The following KCNC1 variants were observed in gnomAD, a reference collection of about 807,000 sequenced individuals.
KCNC1 encodes potassium voltage-gated channel subfamily C member 1, also known as voltage-gated potassium channel KCNC1.
Under a neutral mutation model 43.4 loss-of-function variants are expected in KCNC1, and 8 were observed. The observed-to-expected ratio is 0.18, with a 90% CI of 0.11 to 0.33. KCNC1 has a LOEUF of 0.33. Among genes scored for constraint, KCNC1 ranks in the 10% least tolerant of loss-of-function variants. The probability of loss-of-function intolerance (pLI) is 1.00; values close to 1 mark genes in which losing one functional copy is unlikely to be tolerated. For synonymous variants in KCNC1, 361 were observed against 360.5 expected (o/e 1.00, Z -0.01); for missense variants, 420 against 836.0 (o/e 0.50, Z 6.14).
chr11:17,744,258 A>G (rs1848873844), intron 1 of KCNC1, among the ~76,000 whole-genome samples: 1 of 152,158 alleles, frequency 6.6e-6, no homozygotes, highest in Admixed American at 6.5e-5. Context: ...TCAGCTTCCC[A>G]GAGGAGCTGG....
rs528132219 is a variant in KCNC1, at chr11:17,747,932, C to A, written c.570+11360C>A. 9.2e-5 allele frequency among the ~76,000 whole-genome samples: 14 copies of A among 152,310 alleles called. No homozygotes were observed. In the South Asian group the frequency reaches 2.9e-3, roughly 32 times the overall value. On this transcript the variant is annotated intron_variant, in intron 1 of 3. Transcript: ENST00000265969. The stretch of plus-strand genomic sequence containing the variant: ...GCTCACAACTCCTCTCCCCACACTC[C>A]CGCTTTGCACATAAACACAGTCCAT...
chr11:17,770,981 T>C (rs982118828), intron 1 of KCNC1, among the ~76,000 whole-genome samples: 7 of 152,154 alleles, frequency 4.6e-5, no homozygotes, highest in African/African-American at 1.7e-4. Flanking sequence ...AGGGAACTCA[T>C]TACCATGTTG....
chr11:17,739,132 C>A lies in KCNC1; in HGVS notation c.570+2560C>A, dbSNP rs1848805154. Among the ~76,000 whole-genome samples, 1 of 152,160 alleles carries A rather than the reference C, an allele frequency of 6.6e-6. No homozygotes were observed. Among genetic ancestry groups the A allele is most frequent in the South Asian group, 2.1e-4 (1 of 4,818 alleles). ...CTCCCCCTCTGTCTTTGCTCTGCCG[C>A]CTCTGCTGTCACCTTTGTTTACCCC... is the stretch of plus-strand genomic sequence containing the variant. On this transcript the variant is annotated intron_variant, in intron 1 of 3. Transcript: ENST00000265969. This position sits in a 1 kb window ranked among gnomAD's most constrained non-coding sequence, Gnocchi z 4.2.
At chr11:17,738,475 G>A (rs1233590221) in intron 1 of KCNC1, among the ~76,000 whole-genome samples, 1 of 152,138 alleles carries the variant, frequency 6.6e-6, no homozygotes, top group Non-Finnish European at 1.5e-5. Context: ...AGAAGCAAGG[G>A]GTAGGCTCAG....
intron 1 of KCNC1, among the ~76,000 whole-genome samples, chr11:17,762,277 T>C (rs781140065): frequency 5.9e-5 from 9 of 152,296 alleles, no homozygotes; most frequent in Non-Finnish European, 2.9e-5. Context: ...ACCTCCCAGC[T>C]CAGCAGTTCC....
rs1306032561 is a variant in KCNC1, at chr11:17,773,392, C to T, written c.1504+794C>T. On this transcript the variant is annotated intron_variant, in intron 2 of 3. Transcript: ENST00000265969. This position sits in a 1 kb window ranked among gnomAD's most constrained non-coding sequence, Gnocchi z 4.1. ...TGACCCGATGGAAGCGGCTGCCGAG[C>T]AAAAGACTAGAGGGGGCCACCACCC... 3 of 985,376 alleles carry T rather than the reference C, an allele frequency of 3.0e-6. No homozygotes were observed. Among genetic ancestry groups the T allele is most frequent in the South Asian group, 9.4e-5 (2 of 21,276 alleles). 61.0% of individuals were successfully genotyped at this position (985,376 alleles called of 1,614,324 possible). A position where few individuals can be genotyped will look rare whatever the true frequency, so the allele number is the denominator to read the frequency against.
chr11:17,760,221 A>C (rs1026765330), intron 1 of KCNC1, among the ~76,000 whole-genome samples: 1 of 152,226 alleles, frequency 6.6e-6, no homozygotes, highest in Non-Finnish European at 1.5e-5. Flanking sequence ...TGAGCACTAA[A>C]TTTAGCCGAG....
At chr11:17,768,295 G>T (rs527301215) in intron 1 of KCNC1, among the ~76,000 whole-genome samples, 103 of 152,332 alleles carry the variant, frequency 6.8e-4, no homozygotes, top group African/African-American at 2.3e-3. Flanking sequence ...TCCAGCAGAA[G>T]GAATAGCAGG....
chr11:17,761,041 G>A (rs1195761846), intron 1 of KCNC1, among the ~76,000 whole-genome samples: 1 of 152,190 alleles, frequency 6.6e-6, no homozygotes, highest in Non-Finnish European at 1.5e-5. Flanking sequence ...ACCCAAGACA[G>A]GCAGGGGTCC....
At chr11:17,775,401 C>T (rs1052554263) in intron 2 of KCNC1, 4 of 985,212 alleles carry the variant, frequency 4.1e-6, no homozygotes, top group Admixed American at 6.1e-5. Context: ...ATCTGGTCTC[C>T]TCCTGTGTGC....
In KCNC1 at chr11:17,771,551, A is replaced by C. The variant is rs1849228712; in HGVS notation, c.571-114A>C. The C allele has an allele frequency of 1.1e-6, 1 of 877,676 alleles. No homozygotes were observed. The highest frequency in any genetic ancestry group is 1.6e-5 in the South Asian group (1 of 61,080). 54.4% of individuals were successfully genotyped at this position (877,676 alleles called of 1,614,324 possible). On this transcript the variant is annotated intron_variant, in intron 1 of 3. Transcript: ENST00000265969. This position sits in a 1 kb window ranked among gnomAD's most constrained non-coding sequence, Gnocchi z 4.7. ...AGGAGGGAAATGTAGCACGTGCTGC[A>C]GGGGGCCTGGTGCTGGCATCTCCCC...
chr11:17,771,553 G>A lies in KCNC1; in HGVS notation c.571-112G>A, dbSNP rs1849228749. ...GAGGGAAATGTAGCACGTGCTGCAG[G>A]GGGCCTGGTGCTGGCATCTCCCCCC... On this transcript the variant is annotated intron_variant, in intron 1 of 3. Transcript: ENST00000265969. The surrounding 1 kb of genome is among the most constrained non-coding windows in gnomAD (Gnocchi z 4.7). The A allele has an allele frequency of 3.3e-6, 3 of 896,296 alleles. No homozygotes were observed. Among genetic ancestry groups the A allele is most frequent in the Admixed American group, 2.3e-5 (1 of 44,250 alleles). The allele number at this position is 896,296 out of a possible 1,614,324, so 55.5% of individuals were successfully genotyped here.
At chr11:17,772,942 T>TA in intron 2 of KCNC1, 1 of 1,175,740 alleles carries the variant, frequency 8.5e-7, no homozygotes, top group South Asian at 2.9e-5. Context: ...GGTGTGAGTC[T>TA]CTGACTCAGG....
In KCNC1 at chr11:17,772,129, C is replaced by T; in HGVS notation, c.1035C>T (p.Phe345=). 1 of 1,614,076 alleles carries T rather than the reference C, an allele frequency of 6.2e-7. No homozygotes were observed. Among genetic ancestry groups the T allele is most frequent in the Non-Finnish European group, 8.5e-7 (1 of 1,180,006 alleles). Residue 345 remains phenylalanine, a synonymous_variant, in exon 2 of 4, where the codon TTC becomes TTT. Transcript: ENST00000265969. ...GHTLRASTNE[F]LLLIIFLALG... is the part of the protein sequence containing the mutation. Reference sequence around the variant, plus strand: ...CGCTCCGAGCCAGCACCAACGAGTTCCTGCTGCTCATCATCTTCCTGGCCT... The same window carrying T: ...CGCTCCGAGCCAGCACCAACGAGTTTCTGCTGCTCATCATCTTCCTGGCCT...
chr11:17,772,861 G>A (rs1849246460), intron 2 of KCNC1: 6 of 1,321,250 alleles, frequency 4.5e-6, no homozygotes, highest in Middle Eastern at 2.8e-4. Context: ...AAGAGACAAC[G>A]CGGCCCGCCA....
At chr11:17,775,281 T>TTCCCA in intron 2 of KCNC1, 11 of 935,722 alleles carry the variant, frequency 1.2e-5, no homozygotes, top group Non-Finnish European at 1.3e-5. Context: ...TCTGAGGGCA[T>TTCCCA]CCCTCCCGCC....
chr11:17,764,714 G>A (rs1849128650), intron 1 of KCNC1, among the ~76,000 whole-genome samples: 1 of 152,220 alleles, frequency 6.6e-6, no homozygotes, highest in African/African-American at 2.4e-5. Flanking sequence ...TCCTTTGCCT[G>A]ATGGTGCAGG....
chr11:17,779,221 A>G lies in KCNC1; in HGVS notation c.1505-235A>G. ...ACTCATCTTTTTGCAAACTTTGAGC[A>G]AACCCAGGAGTCCCCACTCCCAGCA... On this transcript the variant is annotated intron_variant, in intron 2 of 3. Coordinates refer to ENST00000265969, the MANE Select transcript of KCNC1 (RefSeq NM_001112741.2). This position sits in a 1 kb window ranked among gnomAD's most constrained non-coding sequence, Gnocchi z 7.2. The G allele has an allele frequency of 4.5e-6, 2 of 442,486 alleles. No homozygotes were observed. The highest frequency in any genetic ancestry group is 7.9e-6 in the Non-Finnish European group (2 of 252,336). 27.4% of individuals were successfully genotyped at this position (442,486 alleles called of 1,614,324 possible). A position where few individuals can be genotyped will look rare whatever the true frequency, so the allele number is the denominator to read the frequency against.
Position 17,773,041 on chromosome 11 carries a change from T to C in KCNC1, c.1504+443T>C, listed in dbSNP as rs1328837097. On this transcript the variant is annotated intron_variant, in intron 2 of 3. Coordinates refer to ENST00000265969, the MANE Select transcript of KCNC1 (RefSeq NM_001112741.2). The surrounding 1 kb of genome is among the most constrained non-coding windows in gnomAD (Gnocchi z 4.1). ...GATCTGGTCCTTACCATGGCTCCCTTCAGGCTGTGTAGATGGCAGAGATGG... is the reference window on the plus strand; with the variant it reads ...GATCTGGTCCTTACCATGGCTCCCTCCAGGCTGTGTAGATGGCAGAGATGG... The C allele has an allele frequency of 1.3e-5, 13 of 1,022,080 alleles. No homozygotes were observed. Among genetic ancestry groups the C allele is most frequent in the Non-Finnish European group, 1.5e-5 (13 of 853,186 alleles). The allele number at this position is 1,022,080 out of a possible 1,614,324, so 63.3% of individuals were successfully genotyped here.
Sources: gnomAD v4.1 joint callset for allele counts (sites outside exome capture counted in the v4.1 genomes callset) on GRCh38, gnomAD v4.1.1 for gene constraint, Gnocchi (gnomAD v3.1) non-coding constraint, MANE v1.5 for transcripts, NCBI Gene and HGNC (gene_info 2026-07-23, HGNC 2026-07-21) for gene names.